Variants in PDE4B observed in about 807,000 individuals in gnomAD.
The protein encoded by PDE4B is 3',5'-cyclic-AMP phosphodiesterase 4B.
A neutral mutation model predicts 82.2 loss-of-function variants in PDE4B; 20 were observed. That is an observed-to-expected ratio of 0.24 (90% CI 0.17 to 0.35). The LOEUF is 0.35. Ranked by LOEUF, PDE4B falls within the 10% of genes least tolerant of loss-of-function variation. The pLI, the probability that PDE4B is intolerant of heterozygous loss-of-function variation, is 1.00. For missense variants in PDE4B, 655 were observed against 907.2 expected (o/e 0.72, Z 3.57); for synonymous variants, 320 against 318.9 (o/e 1.00, Z -0.04).
chr1:66,257,592 T>A (rs771587967), intron 4 of PDE4B, 55 bp from the exon 5 acceptor site: 8 of 1,422,732 alleles, frequency 5.6e-6, no homozygotes, highest in South Asian at 4.6e-5. Flanking sequence ...AGCTTATATG[T>A]CACAGTTATA....
intron 3 of PDE4B, among the ~76,000 whole-genome samples, chr1:66,198,885 T>C (rs1044612554): frequency 6.6e-6 from 1 of 152,010 alleles, no homozygotes; most frequent in Non-Finnish European, 1.5e-5. Flanking sequence ...CTTGTGATAG[T>C]TTTCTGAGAG....
intron 3 of PDE4B, among the ~76,000 whole-genome samples, chr1:66,030,509 G>A (rs1233111857): frequency 6.6e-6 from 1 of 152,134 alleles, no homozygotes; most frequent in Non-Finnish European, 1.5e-5. Context: ...AGTTTTTGTA[G>A]TTTTTTAAAT....
intron 1 of PDE4B, among the ~76,000 whole-genome samples, chr1:65,861,837 T>A (rs904979983): frequency 1.8e-4 from 28 of 152,194 alleles, no homozygotes; most frequent in Admixed American, 1.7e-3. Context: ...ACTCATGATT[T>A]GGCTCTCTGC....
At chr1:66,343,071 C>A (rs75247278) in intron 8 of PDE4B, among the ~76,000 whole-genome samples, 2,463 of 147,476 alleles carry the variant, frequency 0.017, 64 homozygotes, top group African/African-American at 0.058. Context: ...AAAACAACAA[C>A]AAAAAAAAAC....
At chr1:65,997,572 T>C (rs1651622297) in intron 3 of PDE4B, among the ~76,000 whole-genome samples, 1 of 152,324 alleles carries the variant, frequency 6.6e-6, no homozygotes, top group Non-Finnish European at 1.5e-5. Flanking sequence ...TAGCTAACTC[T>C]ACTGAATCTG....
At chr1:66,019,356 C>CT (rs4071540) in intron 3 of PDE4B, among the ~76,000 whole-genome samples, 44,079 of 124,464 alleles carry the variant, frequency 0.35, 8,907 homozygotes, top group African/African-American at 0.47. Context: ...TATTGTTATT[C>CT]TTTTTTTTTT....
chr1:66,005,798 A>G (rs539888146), intron 3 of PDE4B, among the ~76,000 whole-genome samples: 6 of 152,324 alleles, frequency 3.9e-5, no homozygotes, highest in East Asian at 1.9e-4. Context: ...TGAAGGAGCT[A>G]TCTTCATGAA....
chr1:66,148,331 T>C (rs1315643480), intron 3 of PDE4B, among the ~76,000 whole-genome samples: 3 of 151,988 alleles, frequency 2.0e-5, no homozygotes, highest in Non-Finnish European at 2.9e-5. Context: ...CATAAGAATT[T>C]GCACTAGCTT....
At chr1:65,927,946 A>G (rs777771727) in intron 3 of PDE4B, among the ~76,000 whole-genome samples, 1 of 151,810 alleles carries the variant, frequency 6.6e-6, no homozygotes, top group Non-Finnish European at 1.5e-5. Context: ...CTGAGCTACA[A>G]CTCCATTAAT....
intron 3 of PDE4B, among the ~76,000 whole-genome samples, chr1:66,231,881 G>T (rs1322144334): frequency 6.6e-6 from 1 of 152,088 alleles, no homozygotes; most frequent in Non-Finnish European, 1.5e-5. Context: ...CTCCATGTGT[G>T]GGTCAAGTGT....
chr1:65,951,355 A>C (rs1240316284), intron 3 of PDE4B, among the ~76,000 whole-genome samples: 2 of 152,130 alleles, frequency 1.3e-5, no homozygotes, highest in Admixed American at 6.6e-5. Context: ...AAGGGACAAG[A>C]GAAGGGATGA....
intron 3 of PDE4B, among the ~76,000 whole-genome samples, chr1:66,022,189 C>T (rs1166939238): frequency 6.6e-6 from 1 of 152,342 alleles, no homozygotes; most frequent in African/African-American, 2.4e-5. Context: ...AGTTGCTTAT[C>T]AGCTTAAGGA....
intron 3 of PDE4B, among the ~76,000 whole-genome samples, chr1:66,189,156 T>C (rs1248730093): frequency 1.3e-5 from 2 of 152,118 alleles, no homozygotes; most frequent in Non-Finnish European, 2.9e-5. Context: ...ATGTTGAATA[T>C]TGGCCCCCAC....
chr1:66,175,329 T>C (rs1646912803), intron 3 of PDE4B, among the ~76,000 whole-genome samples: 1 of 152,122 alleles, frequency 6.6e-6, no homozygotes, highest in African/African-American at 2.4e-5. Context: ...TTGACAACCA[T>C]TAGGTTACAG....
intron 3 of PDE4B, among the ~76,000 whole-genome samples, chr1:66,038,111 G>T (rs559128533): frequency 3.3e-5 from 5 of 152,176 alleles, no homozygotes; most frequent in African/African-American, 1.2e-4. Context: ...TACTGGTATG[G>T]GACATAATTA....
At chr1:66,349,363 C>T (rs972657747) in intron 8 of PDE4B, among the ~76,000 whole-genome samples, 4 of 152,238 alleles carry the variant, frequency 2.6e-5, no homozygotes, top group South Asian at 2.1e-4. Flanking sequence ...TTGATTACTA[C>T]GTTGCTGAGC....
At chr1:65,806,139 T>C (rs753821073) in intron 1 of PDE4B, among the ~76,000 whole-genome samples, 15 of 152,152 alleles carry the variant, frequency 9.9e-5, no homozygotes, top group Non-Finnish European at 1.9e-4. Context: ...CAATCATGAG[T>C]TGGTTGTGTA....
intron 9 of PDE4B, among the ~76,000 whole-genome samples, chr1:66,359,413 CT>C (rs942104980): frequency 3.3e-5 from 5 of 152,108 alleles, no homozygotes; most frequent in African/African-American, 1.2e-4. Flanking sequence ...GTCTGAGTTT[CT>C]GATTATTTCC....
intron 3 of PDE4B, among the ~76,000 whole-genome samples, chr1:65,939,569 G>A (rs1648333403): frequency 6.6e-6 from 1 of 152,102 alleles, no homozygotes; most frequent in African/African-American, 2.4e-5. Context: ...TACCTCATAA[G>A]TAATACTGGG....
Sources: allele counts gnomAD v4.1 joint callset (sites outside exome capture counted in the v4.1 genomes callset), GRCh38; gene constraint gnomAD v4.1.1; transcripts MANE v1.5; gene names NCBI Gene and HGNC (gene_info 2026-07-23, HGNC 2026-07-21).